NTAQ1: variants seen among roughly 807,000 people sequenced by gnomAD.
NTAQ1 encodes N-terminal glutamine amidase 1.
Under a neutral mutation model 28.2 loss-of-function variants are expected in NTAQ1, and 21 were observed. The ratio of observed to expected loss-of-function variants is 0.74; its 90% CI spans 0.53 to 1.07. The LOEUF is 1.07. NTAQ1 is among the 50% of genes least tolerant of loss of function. The pLI, the probability that NTAQ1 is intolerant of heterozygous loss-of-function variation, is 0.00. For synonymous variants in NTAQ1, 105 were observed against 90.0 expected, an observed-to-expected ratio of 1.17 and a Z score of -0.94; for missense variants, 264 against 256.6, an observed-to-expected ratio of 1.03 and a Z score of -0.20.
chr8:123,441,164 A>G, intron 5 of NTAQ1, 142 bp from the exon 6 acceptor site: 1 of 636,708 alleles, frequency 1.6e-6, no homozygotes, highest in Non-Finnish European at 2.7e-6. Context: ...TTATACATTC[A>G]AGGCCAGAAA....
chr8:123,419,756 C>CTCCCTCCG (rs1563879219), intron 1 of NTAQ1, among the ~76,000 whole-genome samples: 1 of 93,242 alleles, frequency 1.1e-5, no homozygotes, highest in Non-Finnish European at 2.2e-5. Flanking sequence ...CCCTCCCTCC[C>CTCCCTCCG]TTCCTTCCTT....
intron 3 of NTAQ1, among the ~76,000 whole-genome samples, chr8:123,432,456 A>C (rs1444180771): frequency 6.6e-6 from 1 of 152,004 alleles, no homozygotes. Flanking sequence ...CCTCATCAAC[A>C]TGGTGAAACC....
At chr8:123,442,820 C>T (rs1299026597), downstream of NTAQ1, among the ~76,000 whole-genome samples, 2 of 150,530 alleles carry the variant, frequency 1.3e-5, no homozygotes, top group Non-Finnish European at 3.0e-5. Context: ...AGGTGTGCGC[C>T]ACCATGCCCA....
intron 1 of NTAQ1, among the ~76,000 whole-genome samples, chr8:123,424,542 A>G (rs1263569352): frequency 6.6e-6 from 1 of 150,458 alleles, no homozygotes; most frequent in Admixed American, 6.7e-5. Context: ...GCGCCTGGCC[A>G]TTAATTTTTG....
At chr8:123,449,723 G>T (rs1815413334), downstream of NTAQ1, among the ~76,000 whole-genome samples, 1 of 150,962 alleles carries the variant, frequency 6.6e-6, no homozygotes, top group Admixed American at 6.7e-5. Flanking sequence ...TAAATTTGAG[G>T]TGCCAGTTGG....
intron 6 of NTAQ1, among the ~76,000 whole-genome samples, chr8:123,454,600 C>G (rs1489211255): frequency 6.6e-6 from 1 of 152,162 alleles, no homozygotes; most frequent in Non-Finnish European, 1.5e-5. Context: ...AAACGCCTGA[C>G]CTCAGGTGTA....
chr8:123,417,176 G>T (rs1813350599), intron 1 of NTAQ1, among the ~76,000 whole-genome samples: 1 of 152,242 alleles, frequency 6.6e-6, no homozygotes, highest in Non-Finnish European at 1.5e-5. Flanking sequence ...CCTGTGCCTG[G>T]CGCTTGTCGG....
At chr8:123,473,569 G>T (rs1295246632), downstream of NTAQ1, among the ~76,000 whole-genome samples, 1 of 152,170 alleles carries the variant, frequency 6.6e-6, no homozygotes, top group Non-Finnish European at 1.5e-5. Context: ...GGGATTATAG[G>T]CATGAGCCAC....
In NTAQ1 at chr8:123,426,309, C is replaced by G. The variant is rs73705912; in HGVS notation, c.84-1615C>G. 3.3e-3 allele frequency among the ~76,000 whole-genome samples: 505 copies of G among 152,272 alleles called. 6 individuals carry two copies. Among genetic ancestry groups the G allele is most frequent in the African/African-American group, 0.012 (484 of 41,546 alleles). ...AGACCTGTCACGTAGAAGAGAGATT[C>G]ATCTGGGGCAAAGGTATGGGAAGAT... On this transcript the variant is annotated intron_variant, in intron 1 of 5. Transcript: ENST00000287387.
At chr8:123,470,857 C>A (rs866445505), downstream of NTAQ1, among the ~76,000 whole-genome samples, 1 of 151,898 alleles carries the variant, frequency 6.6e-6, no homozygotes, top group African/African-American at 2.4e-5. Context: ...TGCTTCACTC[C>A]CATCCCTGCC....
downstream of NTAQ1, among the ~76,000 whole-genome samples, chr8:123,474,842 C>T (rs145162704): frequency 4.1e-3 from 624 of 152,224 alleles, 3 homozygotes; most frequent in African/African-American, 0.014. Context: ...AGCCGAGATC[C>T]TGCCATTGCA....
intron 3 of NTAQ1, among the ~76,000 whole-genome samples, chr8:123,431,152 A>G (rs570346708): frequency 6.6e-6 from 1 of 152,272 alleles, no homozygotes; most frequent in South Asian, 2.1e-4. Flanking sequence ...AGCCTGGTCA[A>G]CATGGTAAAA....
intron 1 of NTAQ1, 104 bp downstream of exon 1, chr8:123,417,036 C>A: frequency 3.4e-6 from 4 of 1,180,370 alleles, no homozygotes; most frequent in Non-Finnish European, 3.3e-6. Context: ...CGCTCCCGGC[C>A]TCTACCGGCG....
At chr8:123,438,219 T>G in intron 5 of NTAQ1, 1 of 701,090 alleles carries the variant, frequency 1.4e-6, no homozygotes, top group Non-Finnish European at 2.6e-6. Flanking sequence ...TCATATGAGT[T>G]TGAAGTATTA....
At chr8:123,421,852 C>T (rs904888336) in intron 1 of NTAQ1, among the ~76,000 whole-genome samples, 3 of 136,970 alleles carry the variant, frequency 2.2e-5, no homozygotes, top group African/African-American at 5.3e-5. Flanking sequence ...CCACACCCGG[C>T]TAATTTTTTG....
At chr8:123,468,802 G>A (rs1816010777) in exon 7 of NTAQ1, among the ~76,000 whole-genome samples, 2 of 152,040 alleles carry the variant, frequency 1.3e-5, no homozygotes, top group African/African-American at 4.8e-5. Context: ...TTTTCCATGG[G>A]CTCTACCATT....
At chr8:123,419,080 GGTTTTTTTTTTTTTT>G (rs1451941113) in intron 1 of NTAQ1, among the ~76,000 whole-genome samples, 2 of 118,356 alleles carry the variant, frequency 1.7e-5, no homozygotes, top group Admixed American at 1.1e-4. Flanking sequence ...CAGCTTTGGG[GGTTTTTTTTTTTTTT>G]TTTTTTTTTT....
chr8:123,463,051 A>C (rs1488595141), intron 6 of NTAQ1, among the ~76,000 whole-genome samples: 1 of 152,214 alleles, frequency 6.6e-6, no homozygotes, highest in East Asian at 1.9e-4. Flanking sequence ...CGGTGGCTCC[A>C]GGAAGTGACT....
chr8:123,438,856 C>T (rs1814878338), intron 5 of NTAQ1, among the ~76,000 whole-genome samples: 1 of 152,100 alleles, frequency 6.6e-6, no homozygotes, highest in South Asian at 2.1e-4. Context: ...AGAGCTGCTT[C>T]CTGGCCTCAG....
Sources: allele counts gnomAD v4.1 joint callset (sites outside exome capture counted in the v4.1 genomes callset), GRCh38; gene constraint gnomAD v4.1.1; transcripts MANE v1.5; gene names NCBI Gene and HGNC (gene_info 2026-07-23, HGNC 2026-07-21).